TRAPPC8: variants seen among roughly 807,000 people sequenced by gnomAD.
TRAPPC8 encodes the protein general sporulation gene 1 homolog.
In TRAPPC8, 54 loss-of-function variants were observed where a neutral mutation model predicts 174.3. The ratio of observed to expected loss-of-function variants is 0.31; its 90% CI spans 0.25 to 0.39. The LOEUF is 0.39. Among genes scored for constraint, TRAPPC8 ranks in the 10% least tolerant of loss-of-function variants. TRAPPC8 has a pLI of 1.00. For missense variants in TRAPPC8, 1,531 were observed against 1,699.1 expected (o/e 0.90, Z 1.74); for synonymous variants, 630 against 579.9 (o/e 1.09, Z -1.24).
At chr18:31,934,092 G>A (rs2037974526) in intron 1 of TRAPPC8, among the ~76,000 whole-genome samples, 1 of 151,950 alleles carries the variant, frequency 6.6e-6, no homozygotes, top group African/African-American at 2.4e-5. Flanking sequence ...GAAGGCTGAG[G>A]CAAGAGAATC....
chr18:31,886,380 T>G (rs2035719754), intron 12 of TRAPPC8, among the ~76,000 whole-genome samples: 1 of 151,208 alleles, frequency 6.6e-6, no homozygotes. Context: ...AACCCTATCT[T>G]TAGCATTTAG....
intron 1 of TRAPPC8, 35 bp downstream of exon 1, chr18:31,942,573 C>A: frequency 6.7e-7 from 1 of 1,492,854 alleles, no homozygotes; most frequent in Non-Finnish European, 9.0e-7. Context: ...CACGGCTTTG[C>A]GGGAGCCCAC....
At chr18:31,899,970 G>A (rs532479719) in intron 10 of TRAPPC8, among the ~76,000 whole-genome samples, 1 of 152,104 alleles carries the variant, frequency 6.6e-6, no homozygotes, top group Non-Finnish European at 1.5e-5. Context: ...GGGCATGGTG[G>A]CTCATGCCTG....
intron 16 of TRAPPC8, among the ~76,000 whole-genome samples, chr18:31,868,609 T>A (rs1204249066): frequency 6.6e-6 from 1 of 152,188 alleles, no homozygotes; most frequent in Non-Finnish European, 1.5e-5. Context: ...ATTCAAATTA[T>A]TAACAATGAA....
intron 16 of TRAPPC8, 122 bp from the exon 17 acceptor site, chr18:31,867,598 A>ACAGCGC: frequency 1.5e-6 from 1 of 672,094 alleles, no homozygotes; most frequent in Non-Finnish European, 2.5e-6. Flanking sequence ...CTTGGTTTTT[A>ACAGCGC]CCACATGCTG....
chr18:31,829,609 G>C lies in TRAPPC8; in HGVS notation c.*1146C>G, dbSNP rs541715833. 2.6e-5 allele frequency: 4 copies of C among 152,184 alleles called. No homozygotes were observed. The highest frequency in any genetic ancestry group is 9.7e-5 in the African/African-American group (4 of 41,418). The allele number at this position is 152,184 out of a possible 1,614,324, so 9.4% of individuals were successfully genotyped here. On this transcript the variant is annotated 3_prime_UTR_variant, in exon 29 of 29. Transcript: ENST00000283351. ...GGTTTGGAATCTTCAGTCTGAAAAC[G>C]GGGTCTTTTGATCTCTCCCCACTTT...
At chr18:31,883,914 C>T (rs143119171) in intron 12 of TRAPPC8, among the ~76,000 whole-genome samples, 89 of 152,230 alleles carry the variant, frequency 5.8e-4, no homozygotes, top group African/African-American at 1.5e-3. Flanking sequence ...GGAGGTCGAG[C>T]GTGGTGACTT....
At chr18:31,934,883 G>C (rs1184995304) in intron 1 of TRAPPC8, among the ~76,000 whole-genome samples, 1 of 150,854 alleles carries the variant, frequency 6.6e-6, no homozygotes, top group African/African-American at 2.4e-5. Context: ...CTCCAGCCTG[G>C]GCAATGAGAG....
At chr18:31,887,515 A>C (rs2035770000) in intron 12 of TRAPPC8, among the ~76,000 whole-genome samples, 1 of 151,968 alleles carries the variant, frequency 6.6e-6, no homozygotes, top group Non-Finnish European at 1.5e-5. Flanking sequence ...GTGTGATGGC[A>C]GGTGCCTGTA....
In TRAPPC8 at chr18:31,830,868, C is replaced by T; in HGVS notation, c.4195G>A (p.Val1399Ile). 1 of 1,614,194 alleles carries T rather than the reference C, an allele frequency of 6.2e-7. No homozygotes were observed. Among genetic ancestry groups the T allele is most frequent in the Non-Finnish European group, 8.5e-7 (1 of 1,180,042 alleles). Residue 1399 changes from valine to isoleucine, a missense_variant, in exon 29 of 29, where the codon GTT (valine) becomes ATT (isoleucine). Val to Ile is a conservative substitution (Grantham distance 29). Coordinates refer to ENST00000283351, the MANE Select transcript of TRAPPC8 (RefSeq NM_014939.5). ...ACCCTAGGAGTTCCAAGGTTATAAACACCTGTATGAACAAAGCATGCTTTC... is the reference window on the plus strand; with the variant it reads ...ACCCTAGGAGTTCCAAGGTTATAAATACCTGTATGAACAAAGCATGCTTTC... ...QLKACFVHTG[V>I]YNLGTPRVFA...
chr18:31,837,520 G>A (rs547224685), intron 27 of TRAPPC8, among the ~76,000 whole-genome samples: 53 of 152,090 alleles, frequency 3.5e-4, no homozygotes, highest in Admixed American at 1.9e-3. Flanking sequence ...TGGTGAAACC[G>A]CATCTCTACT....
At chr18:31,926,863 G>C (rs1022780218) in intron 2 of TRAPPC8, among the ~76,000 whole-genome samples, 1 of 152,184 alleles carries the variant, frequency 6.6e-6, no homozygotes, top group Non-Finnish European at 1.5e-5. Context: ...CTATGAGATG[G>C]AGTGGAAAGG....
intron 12 of TRAPPC8, among the ~76,000 whole-genome samples, chr18:31,885,410 C>G (rs1040904161): frequency 1.3e-5 from 2 of 152,128 alleles, no homozygotes; most frequent in African/African-American, 4.8e-5. Flanking sequence ...AAGGATAAAA[C>G]ATCCTATGCC....
intron 9 of TRAPPC8, among the ~76,000 whole-genome samples, chr18:31,905,531 T>C (rs1598715110): frequency 1.3e-5 from 2 of 152,120 alleles, no homozygotes; most frequent in East Asian, 3.9e-4. Flanking sequence ...CCCATCTCTA[T>C]AAAAAAATTA....
At chr18:31,841,702 A>C (rs1019024667) in intron 26 of TRAPPC8, among the ~76,000 whole-genome samples, 1 of 152,190 alleles carries the variant, frequency 6.6e-6, no homozygotes, top group African/African-American at 2.4e-5. Context: ...CAGAGGATTC[A>C]GATTATGAGG....
chr18:31,936,967 C>T (rs2038131172), intron 1 of TRAPPC8, among the ~76,000 whole-genome samples: 1 of 145,254 alleles, frequency 6.9e-6, no homozygotes, highest in African/African-American at 2.6e-5. Flanking sequence ...AATCCCAACA[C>T]TTTGGGAGGC....
chr18:31,909,091 A>G (rs1004382173), intron 6 of TRAPPC8, 81 bp from the exon 7 acceptor site: 2 of 1,302,646 alleles, frequency 1.5e-6, no homozygotes, highest in African/African-American at 3.0e-5. Flanking sequence ...CTAAAGAAAA[A>G]AAAAAAGCAG....
intron 5 of TRAPPC8, among the ~76,000 whole-genome samples, chr18:31,911,891 AT>A (rs1347220824): frequency 8.0e-5 from 12 of 150,168 alleles, no homozygotes; most frequent in South Asian, 2.1e-4. Flanking sequence ...AAAAAAAAAA[AT>A]TTTCTTCTAA....
chr18:31,902,514 A>G (rs752392398), intron 9 of TRAPPC8, among the ~76,000 whole-genome samples: 3 of 151,968 alleles, frequency 2.0e-5, no homozygotes, highest in Non-Finnish European at 2.9e-5. Context: ...TAAGCCATCT[A>G]TTTTTCCAAA....
Sources: gnomAD v4.1 joint callset for allele counts (sites outside exome capture counted in the v4.1 genomes callset) on GRCh38, gnomAD v4.1.1 for gene constraint, MANE v1.5 for transcripts, NCBI Gene and HGNC (gene_info 2026-07-23, HGNC 2026-07-21) for gene names.